RAB3B: variants seen among roughly 807,000 people sequenced by gnomAD.
The protein encoded by RAB3B is RAB3B, member RAS oncogene family.
RAB3B carries 11 observed loss-of-function variants against 20.5 expected under a neutral mutation model. The ratio of observed to expected loss-of-function variants is 0.54; its 90% CI spans 0.34 to 0.89. RAB3B has a LOEUF of 0.89. Among genes scored for constraint, RAB3B ranks in the 40% least tolerant of loss-of-function variants. The probability of loss-of-function intolerance (pLI) is 0.02; values close to 1 mark genes in which losing one functional copy is unlikely to be tolerated. For missense variants in RAB3B, 225 were observed against 280.9 expected (o/e 0.80, Z 1.42); for synonymous variants, 99 against 106.3 (o/e 0.93, Z 0.42).
At position 51,911,199 on chromosome 1, in the gene RAB3B, A is replaced by C. The variant is rs1217859496; in HGVS notation, c.*8728T>G. On this transcript the variant is annotated 3_prime_UTR_variant, in exon 5 of 5. Transcript: ENST00000371655. ...TGGACAGTGATCCCTAGTCATAGGAAACTTTGCCTGTGCTGTCATCAGTGT... is the reference window on the plus strand; with the variant it reads ...TGGACAGTGATCCCTAGTCATAGGACACTTTGCCTGTGCTGTCATCAGTGT... The C allele has an allele frequency of 1.3e-5, 2 of 152,194 alleles. No individual in the cohort carries two copies. Among genetic ancestry groups the C allele is most frequent in the Non-Finnish European group, 1.5e-5 (1 of 68,040 alleles). 9.4% of individuals were successfully genotyped at this position (152,194 alleles called of 1,614,324 possible).
Position 51,911,738 on chromosome 1 carries a change from A to G in RAB3B, c.*8189T>C, listed in dbSNP as rs1012279768. On this transcript the variant is annotated 3_prime_UTR_variant, in exon 5 of 5. Coordinates refer to ENST00000371655, the MANE Select transcript of RAB3B (RefSeq NM_002867.4). The stretch of plus-strand genomic sequence containing the variant: ...ACACAGGGATGGAGAATAAGCCATC[A>G]CAGCTTTAGACCTCATATCTTCAAA... The G allele has an allele frequency of 6.6e-6, 1 of 152,212 alleles. No homozygotes were observed. The highest frequency in any genetic ancestry group is 6.5e-5 in the Admixed American group (1 of 15,268). 9.4% of individuals were successfully genotyped at this position (152,212 alleles called of 1,614,324 possible).
chr1:51,929,979 A>T (rs1393646427), intron 4 of RAB3B, among the ~76,000 whole-genome samples: 2 of 152,250 alleles, frequency 1.3e-5, no homozygotes, highest in South Asian at 4.1e-4. Flanking sequence ...ATAATGAAAC[A>T]AATCAGACAC....
chr1:51,965,996 C>T (rs755279253), intron 2 of RAB3B, among the ~76,000 whole-genome samples: 2 of 152,224 alleles, frequency 1.3e-5, no homozygotes, highest in East Asian at 1.9e-4. Flanking sequence ...TGTCATTCCA[C>T]TGCTCAATGT....
intron 2 of RAB3B, among the ~76,000 whole-genome samples, chr1:51,955,160 G>C (rs562606123): frequency 6.6e-6 from 1 of 152,278 alleles, no homozygotes; most frequent in East Asian, 1.9e-4. Flanking sequence ...ATGAGTTCCA[G>C]TTCTCTCCCG....
Position 51,920,040 on chromosome 1 carries a change from T to C in RAB3B, c.547A>G (p.Ile183Val). 2 of 1,614,130 alleles carry C rather than the reference T, an allele frequency of 1.2e-6. No individual in the cohort carries two copies. The highest frequency in any genetic ancestry group is 2.2e-5 in the East Asian group (1 of 44,892). Residue 183 changes from isoleucine (I) to valine (V), a missense_variant, in exon 5 of 5, where the codon ATT (isoleucine) becomes GTT (valine). By Grantham distance (29) the Ile-to-Val change is conservative. Transcript: ENST00000371655. ...RQAFERLVDA[I>V]CDKMSDSLDT... Reference sequence around the variant, plus strand: ...AGCGAATCAGACATCTTGTCACAAATGGCATCCACCAGGCGCTCAAAGGCC... The same window carrying C: ...AGCGAATCAGACATCTTGTCACAAACGGCATCCACCAGGCGCTCAAAGGCC...
At chr1:51,961,827 G>A (rs1684788114) in intron 2 of RAB3B, among the ~76,000 whole-genome samples, 2 of 152,176 alleles carry the variant, frequency 1.3e-5, no homozygotes, top group African/African-American at 4.8e-5. Context: ...CTGGAGTGAA[G>A]TGGGGCGATC....
At chr1:51,939,456 G>C (rs1275075183) in intron 2 of RAB3B, among the ~76,000 whole-genome samples, 2 of 152,018 alleles carry the variant, frequency 1.3e-5, no homozygotes, top group African/African-American at 4.8e-5. Context: ...GTCTCACTCT[G>C]TCACTCAAGC....
Position 51,913,196 on chromosome 1 carries a change from T to C in RAB3B, c.*6731A>G, listed in dbSNP as rs1684030534. 1 of 152,182 alleles carries C rather than the reference T, an allele frequency of 6.6e-6. No homozygotes were observed. The highest frequency in any genetic ancestry group is 2.4e-5 in the African/African-American group (1 of 41,448). 9.4% of individuals were successfully genotyped at this position (152,182 alleles called of 1,614,324 possible). On this transcript the variant is annotated 3_prime_UTR_variant, in exon 5 of 5. Coordinates refer to ENST00000371655, the MANE Select transcript of RAB3B (RefSeq NM_002867.4). ...CGGGGATAGCTAAGAGGTATCCAAA[T>C]GGACTGTTTAACAAGCATCAAAACT...
chr1:51,961,658 C>G (rs772322649), intron 2 of RAB3B, among the ~76,000 whole-genome samples: 2 of 152,086 alleles, frequency 1.3e-5, no homozygotes, highest in Non-Finnish European at 2.9e-5. Flanking sequence ...AATTGCTGCC[C>G]AAAAATTGTA....
Position 51,910,970 on chromosome 1 carries a change from G to A in RAB3B, c.*8957C>T, listed in dbSNP as rs34424022. ...TCTCCCAGAGATTTCCTATTTAAGC[G>A]TTTGCTATTTGGCCACTTAAAAAAG... On this transcript the variant is annotated 3_prime_UTR_variant, in exon 5 of 5. Coordinates refer to ENST00000371655, the MANE Select transcript of RAB3B (RefSeq NM_002867.4). 0.062 allele frequency: 9,494 copies of A among 152,144 alleles called. 339 individuals are homozygous for A. Among genetic ancestry groups the A allele is most frequent in the African/African-American group, 0.087 (3,626 of 41,512 alleles). The allele number at this position is 152,144 out of a possible 1,614,324, so 9.4% of individuals were successfully genotyped here. A position where few individuals can be genotyped will look rare whatever the true frequency, so the allele number is the denominator to read the frequency against.
chr1:51,949,103 T>A (rs1684601057), intron 2 of RAB3B, among the ~76,000 whole-genome samples: 1 of 152,202 alleles, frequency 6.6e-6, no homozygotes. Context: ...AGGATCTAGC[T>A]CAGGCTTCCC....
intron 1 of RAB3B, among the ~76,000 whole-genome samples, chr1:51,978,073 C>A: frequency 6.6e-6 from 1 of 152,196 alleles, no homozygotes; most frequent in Non-Finnish European, 1.5e-5. Context: ...AAGACTCCTA[C>A]CCATCCTTGG....
In RAB3B at chr1:51,911,227, A is replaced by G. The variant is rs1293041496; in HGVS notation, c.*8700T>C. On this transcript the variant is annotated 3_prime_UTR_variant, in exon 5 of 5. Transcript: ENST00000371655. Reference sequence around the variant, plus strand: ...TTTGCCTGTGCTGTCATCAGTGTCCATGGAGAACTGCTTCTCACCTTGAGA... The same window carrying G: ...TTTGCCTGTGCTGTCATCAGTGTCCGTGGAGAACTGCTTCTCACCTTGAGA... 6.6e-6 allele frequency: 1 copy of G among 152,220 alleles called. No individual in the cohort carries two copies. The highest frequency in any genetic ancestry group is 6.6e-5 in the Admixed American group (1 of 15,260). 9.4% of individuals were successfully genotyped at this position (152,220 alleles called of 1,614,324 possible).
At chr1:51,968,861 T>C (rs1411644362) in intron 2 of RAB3B, among the ~76,000 whole-genome samples, 3 of 152,232 alleles carry the variant, frequency 2.0e-5, no homozygotes, top group Non-Finnish European at 4.4e-5. Flanking sequence ...CCTGTTTATA[T>C]GAGGAGTTAC....
chr1:51,978,951 G>T (rs961678669), intron 1 of RAB3B, among the ~76,000 whole-genome samples: 5 of 152,190 alleles, frequency 3.3e-5, no homozygotes, highest in Non-Finnish European at 7.3e-5. Flanking sequence ...TTTAATAAAA[G>T]TTCCTTGCAT....
chr1:51,935,249 G>A (rs1684383379), intron 3 of RAB3B, among the ~76,000 whole-genome samples: 1 of 152,204 alleles, frequency 6.6e-6, no homozygotes, highest in Non-Finnish European at 1.5e-5. Context: ...TGCTCTTAAA[G>A]TTGATCTTAC....
chr1:51,967,169 C>T (rs1247804524), intron 2 of RAB3B, among the ~76,000 whole-genome samples: 1 of 152,028 alleles, frequency 6.6e-6, no homozygotes, highest in Non-Finnish European at 1.5e-5. Context: ...AAAAATCAGC[C>T]AGGCATGGTG....
intron 1 of RAB3B, among the ~76,000 whole-genome samples, chr1:51,977,990 A>C (rs1685032305): frequency 2.0e-5 from 3 of 152,176 alleles, no homozygotes; most frequent in South Asian, 4.1e-4. Flanking sequence ...CTTTATGCCA[A>C]ATAAGCCACA....
intron 4 of RAB3B, among the ~76,000 whole-genome samples, chr1:51,925,406 C>T (rs891575580): frequency 9.3e-4 from 141 of 152,170 alleles, no homozygotes; most frequent in African/African-American, 3.1e-3. Context: ...CAGCTATTCA[C>T]CTGTCCCTAT....
Sources: allele counts gnomAD v4.1 joint callset (sites outside exome capture counted in the v4.1 genomes callset), GRCh38; gene constraint gnomAD v4.1.1; transcripts MANE v1.5; gene names NCBI Gene and HGNC (gene_info 2026-07-23, HGNC 2026-07-21).